EYA4: variants seen among roughly 807,000 people sequenced by gnomAD.
EYA4 encodes protein phosphatase EYA4.
Under a neutral mutation model 87.9 loss-of-function variants are expected in EYA4, and 31 were observed. The ratio of observed to expected loss-of-function variants is 0.35; its 90% CI spans 0.27 to 0.48. EYA4 has a LOEUF of 0.48. Ranked by LOEUF, EYA4 falls within the 20% of genes least tolerant of loss-of-function variation. EYA4 has a pLI of 0.99. For missense variants in EYA4, 678 were observed against 761.4 expected, an observed-to-expected ratio of 0.89 and a Z score of 1.29; for synonymous variants, 263 against 270.6, an observed-to-expected ratio of 0.97 and a Z score of 0.28.
intron 13 of EYA4, among the ~76,000 whole-genome samples, chr6:133,486,523 A>T (rs957945575): frequency 6.6e-6 from 1 of 151,974 alleles, no homozygotes. Context: ...TCTTGCTCTC[A>T]TGGAGCTTAC....
intron 2 of EYA4, among the ~76,000 whole-genome samples, chr6:133,301,767 T>G (rs539713018): frequency 1.3e-5 from 2 of 152,318 alleles, no homozygotes; most frequent in East Asian, 3.9e-4. Flanking sequence ...CACACTTGAT[T>G]TATTCTGATG....
intron 3 of EYA4, among the ~76,000 whole-genome samples, chr6:133,442,021 A>G (rs1181395112): frequency 6.6e-6 from 1 of 151,912 alleles, no homozygotes. Flanking sequence ...ATTAATACCT[A>G]TATATGGCAT....
At chr6:133,315,517 A>G (rs944384530) in intron 2 of EYA4, among the ~76,000 whole-genome samples, 3 of 152,184 alleles carry the variant, frequency 2.0e-5, no homozygotes, top group Non-Finnish European at 4.4e-5. Context: ...GATATTTTTA[A>G]ATTCAGAAAA....
chr6:133,242,980 C>T (rs963588884), intron 1 of EYA4, among the ~76,000 whole-genome samples: 1 of 152,142 alleles, frequency 6.6e-6, no homozygotes, highest in African/African-American at 2.4e-5. Flanking sequence ...TGAATCTTAA[C>T]CTGAGGGCAG....
In EYA4 at chr6:133,500,358, C is replaced by G. The variant is rs367902671; in HGVS notation, c.1192-5748C>G. ...CCCAGCTTGGAGTCCTCCTTATGTA[C>G]CACTATAACCCTACTTTTCCATAAC... On this transcript the variant is annotated intron_variant, in intron 13 of 19. Coordinates refer to ENST00000355286, the MANE Select transcript of EYA4 (RefSeq NM_004100.5). 4.6e-5 allele frequency among the ~76,000 whole-genome samples: 7 copies of G among 152,010 alleles called. No homozygotes were observed. In the East Asian group the frequency reaches 1.2e-3, roughly 25 times the overall value.
chr6:133,347,214 C>G (rs551264951), intron 2 of EYA4, among the ~76,000 whole-genome samples: 2 of 152,316 alleles, frequency 1.3e-5, no homozygotes, highest in South Asian at 4.1e-4. Context: ...ACATGGACTT[C>G]TGATTGTGCT....
At chr6:133,426,299 G>A (rs1790670867) in intron 3 of EYA4, among the ~76,000 whole-genome samples, 1 of 152,174 alleles carries the variant, frequency 6.6e-6, no homozygotes, top group Admixed American at 6.5e-5. Flanking sequence ...TATTTTGGGT[G>A]CTGAATAAAT....
intron 3 of EYA4, among the ~76,000 whole-genome samples, chr6:133,439,038 A>G (rs1791985988): frequency 8.2e-6 from 1 of 122,162 alleles, no homozygotes; most frequent in Non-Finnish European, 1.6e-5. Flanking sequence ...TGACAAAGCG[A>G]GACTCCGTCT....
In EYA4 at chr6:133,529,318, G is replaced by A; in HGVS notation, c.*513G>A. 4 of 992,708 alleles carry A rather than the reference G, an allele frequency of 4.0e-6. No individual in the cohort carries two copies. Among genetic ancestry groups the A allele is most frequent in the Non-Finnish European group, 4.8e-6 (4 of 833,326 alleles). 61.5% of individuals were successfully genotyped at this position (992,708 alleles called of 1,614,324 possible). On this transcript the variant is annotated 3_prime_UTR_variant, in exon 20 of 20. Coordinates refer to ENST00000355286, the MANE Select transcript of EYA4 (RefSeq NM_004100.5). ...ATTATTGATGAAAATAATTTACTGT[G>A]ACTTTATTAGCAGCTGACTTTCAAA...
chr6:133,329,977 A>G (rs1781797346), intron 2 of EYA4, among the ~76,000 whole-genome samples: 1 of 152,104 alleles, frequency 6.6e-6, no homozygotes, highest in African/African-American at 2.4e-5. Context: ...TCTAAGAAAG[A>G]TGATTGAATT....
intron 11 of EYA4, among the ~76,000 whole-genome samples, chr6:133,477,189 C>T (rs956319347): frequency 1.3e-5 from 2 of 151,998 alleles, no homozygotes; most frequent in African/African-American, 4.8e-5. Context: ...TTCTTTATAG[C>T]GATGTGAAAA....
chr6:133,254,129 A>G (rs1383125347), intron 1 of EYA4, among the ~76,000 whole-genome samples: 3 of 152,188 alleles, frequency 2.0e-5, no homozygotes, highest in Non-Finnish European at 4.4e-5. Flanking sequence ...AAAAACAGGT[A>G]TGTCCGGCGT....
intron 10 of EYA4, 59 bp from the exon 11 acceptor site, chr6:133,468,507 G>C (rs535519738): frequency 2.9e-6 from 4 of 1,360,036 alleles, no homozygotes; most frequent in East Asian, 2.3e-5. Flanking sequence ...TGGTTTTCTT[G>C]GGAGAGTATT....
At chr6:133,341,385 G>GTTC in intron 2 of EYA4, among the ~76,000 whole-genome samples, 1 of 152,234 alleles carries the variant, frequency 6.6e-6, no homozygotes. Context: ...TACCTACCAT[G>GTTC]TTCCAAACAC....
intron 2 of EYA4, among the ~76,000 whole-genome samples, chr6:133,292,689 T>G (rs895361594): frequency 3.3e-5 from 5 of 152,226 alleles, no homozygotes; most frequent in African/African-American, 1.2e-4. Flanking sequence ...AGGAAAATTT[T>G]TGTGTTAATG....
intron 2 of EYA4, among the ~76,000 whole-genome samples, chr6:133,289,034 G>A (rs1488434647): frequency 1.3e-5 from 2 of 152,200 alleles, no homozygotes; most frequent in Non-Finnish European, 2.9e-5. Flanking sequence ...GTTTAAAGAA[G>A]AGACACAGAA....
intron 1 of EYA4, among the ~76,000 whole-genome samples, chr6:133,251,420 A>C (rs1362281867): frequency 6.6e-6 from 1 of 151,976 alleles, no homozygotes; most frequent in Non-Finnish European, 1.5e-5. Context: ...TACTTACAGA[A>C]TTTATCACTT....
intron 2 of EYA4, among the ~76,000 whole-genome samples, chr6:133,324,884 T>C (rs886886940): frequency 6.6e-6 from 1 of 151,240 alleles, no homozygotes; most frequent in Non-Finnish European, 1.5e-5. Flanking sequence ...TGAAAATTTA[T>C]GGAGTATATT....
chr6:133,462,202 C>T (rs906606897), intron 7 of EYA4, 133 bp from the exon 8 acceptor site: 6 of 1,090,700 alleles, frequency 5.5e-6, no homozygotes, highest in Non-Finnish European at 7.0e-6. Context: ...GTTGCTTTTT[C>T]CTATATTGTT....
Sources: gnomAD v4.1 joint callset for allele counts (sites outside exome capture counted in the v4.1 genomes callset) on GRCh38, gnomAD v4.1.1 for gene constraint, MANE v1.5 for transcripts, NCBI Gene and HGNC (gene_info 2026-07-23, HGNC 2026-07-21) for gene names.